MMD2: variants seen among roughly 807,000 people sequenced by gnomAD.
MMD2 encodes the protein monocyte to macrophage differentiation factor 2.
In MMD2, 30 loss-of-function variants were observed where a neutral mutation model predicts 33.5. That is an observed-to-expected ratio of 0.90 (90% CI 0.67 to 1.22). The LOEUF (loss-of-function observed/expected upper bound fraction) is 1.22. Ranked by LOEUF, MMD2 falls within the 50% of genes most tolerant of loss-of-function variation. The pLI is 0.00. For missense variants in MMD2, 364 were observed against 325.4 expected (o/e 1.12, Z -0.91); for synonymous variants, 129 against 123.0 (o/e 1.05, Z -0.32).
At chr7:4,893,199 T>C in the MMD2 span, among the ~76,000 whole-genome samples, 2 of 151,720 alleles carry the variant, frequency 1.3e-5, no homozygotes, top group Non-Finnish European at 2.9e-5. Flanking sequence ...AAAGGTCCGA[T>C]CCAGACCCCA....
chr7:4,921,676 T>A (rs1409982334), intron 2 of MMD2, among the ~76,000 whole-genome samples: 1 of 148,010 alleles, frequency 6.8e-6, no homozygotes, highest in Admixed American at 6.7e-5. Flanking sequence ...ACCGTGTGCA[T>A]CCTCCAGGAC....
At chr7:4,905,433 G>A (rs987425482), downstream of MMD2, among the ~76,000 whole-genome samples, 1 of 150,096 alleles carries the variant, frequency 6.7e-6, no homozygotes, top group African/African-American at 2.5e-5. This position sits in a 1 kb window ranked among gnomAD's most constrained non-coding sequence, Gnocchi z 5.0. Context: ...GGAAGGGGAA[G>A]AAAGGGAAGA....
At position 4,951,494 on chromosome 7, in the gene MMD2, A is replaced by G. The variant is rs116705061; in HGVS notation, c.47+7477T>C. Among the ~76,000 whole-genome samples, 1,335 of 151,966 alleles carry G rather than the reference A, an allele frequency of 8.8e-3. 22 individuals are homozygous for G. The highest frequency in any genetic ancestry group is 0.03 in the African/African-American group (1,263 of 41,440). On this transcript the variant is annotated intron_variant, in intron 1 of 6. Coordinates refer to ENST00000401401, the MANE Select transcript of MMD2 (RefSeq NM_198403.4). ...CCTTCCCTCACCCTGGAAAACTCCT[A>G]TTCATCCTGAAGAGCCCACTTACAT...
In MMD2 at chr7:4,920,685, C is replaced by T. The variant is rs574843102; in HGVS notation, c.130-354G>A. On this transcript the variant is annotated intron_variant, in intron 2 of 6. Transcript: ENST00000401401. ...TCTTTCTTCCCCTTCCCTCCTCCCTCTCTCCTCCCTCCCTCCCTCCCTCCC... is the reference window on the plus strand; with the variant it reads ...TCTTTCTTCCCCTTCCCTCCTCCCTTTCTCCTCCCTCCCTCCCTCCCTCCC... Among the ~76,000 whole-genome samples the T allele has an allele frequency of 1.3e-4, 14 of 105,812 alleles. 1 individual carries two copies. The highest frequency in any genetic ancestry group is 9.2e-4 in the Admixed American group (8 of 8,654). The allele number at this position is 105,812 out of a possible 152,430, so 69.4% of individuals were successfully genotyped here.
intron 1 of MMD2, among the ~76,000 whole-genome samples, chr7:4,943,937 G>A (rs903439521): frequency 1.3e-5 from 2 of 151,582 alleles, no homozygotes; most frequent in Non-Finnish European, 2.9e-5. Context: ...GAGTAGCTGG[G>A]ACTATAGGTG....
intron 1 of MMD2, among the ~76,000 whole-genome samples, chr7:4,955,297 C>T (rs956089055): frequency 6.6e-6 from 1 of 152,196 alleles, no homozygotes; most frequent in African/African-American, 2.4e-5. Context: ...GTAGAAAAGC[C>T]ATTCCAGGTG....
intron 1 of MMD2, among the ~76,000 whole-genome samples, chr7:4,931,186 A>T (rs892051635): frequency 6.6e-6 from 1 of 151,716 alleles, no homozygotes; most frequent in African/African-American, 2.4e-5. Flanking sequence ...TTTTTGAGAA[A>T]GGGTCTTGCT....
rs1785246480 is a variant in MMD2 at position 4,920,314 on chromosome 7, G to A, written c.147C>T (p.Ser49=). 6.2e-7 allele frequency: 1 copy of A among 1,608,612 alleles called. No individual in the cohort carries two copies. Among genetic ancestry groups the A allele is most frequent in the African/African-American group, 1.3e-5 (1 of 74,898 alleles). ...AGTAGAGGTTGGAGCTGCCCAGGATGCTGGGGATGATCCAGAACTGGAGGG... is the reference window on the plus strand; with the variant it reads ...AGTAGAGGTTGGAGCTGCCCAGGATACTGGGGATGATCCAGAACTGGAGGG... ...CATHAFWIIP[S]ILGSSNLYFL... is the part of the protein sequence containing the mutation. The change falls in exon 3 of 7, where the codon AGC becomes AGT. Residue 49 remains serine (S), a synonymous_variant. Transcript: ENST00000401401.
chr7:4,896,810 T>C, the MMD2 span, among the ~76,000 whole-genome samples: 1 of 152,198 alleles, frequency 6.6e-6, no homozygotes, highest in African/African-American at 2.4e-5. Flanking sequence ...CCCCCATTTA[T>C]ATCAGCAATA....
intron 2 of MMD2, among the ~76,000 whole-genome samples, chr7:4,921,483 T>C (rs187690358): frequency 3.3e-3 from 506 of 151,808 alleles, no homozygotes; most frequent in Non-Finnish European, 6.0e-3. Flanking sequence ...TAGTCAGGCA[T>C]GGTGGTGCGC....
At chr7:4,910,157 C>A in intron 5 of MMD2, 1 of 1,059,734 alleles carries the variant, frequency 9.4e-7, no homozygotes, top group South Asian at 1.6e-5. Context: ...GGCACTTTCC[C>A]TCCCTGAGAC....
chr7:4,916,533 C>A (rs1278866583), intron 3 of MMD2, among the ~76,000 whole-genome samples: 1 of 152,048 alleles, frequency 6.6e-6, no homozygotes, highest in African/African-American at 2.4e-5. Flanking sequence ...CAGGCACCTG[C>A]CACCATGCCC....
chr7:4,895,735 C>G, the MMD2 span, among the ~76,000 whole-genome samples: 3 of 151,914 alleles, frequency 2.0e-5, no homozygotes, highest in African/African-American at 7.3e-5. Flanking sequence ...CGTGTTTCAT[C>G]ATGTTGGTCA....
In MMD2 at chr7:4,943,515, G is replaced by A. The variant is rs139245160; in HGVS notation, c.47+15456C>T. 4.6e-3 allele frequency among the ~76,000 whole-genome samples: 704 copies of A among 152,202 alleles called. 5 individuals carry two copies. Among genetic ancestry groups the A allele is most frequent in the African/African-American group, 0.016 (684 of 41,572 alleles). ...GACTGAGACCCAACTGCTCTACCCT[G>A]ATGTCCCCTAGCAGTGCCCATTACC... On this transcript the variant is annotated intron_variant, in intron 1 of 6. Coordinates refer to ENST00000401401, the MANE Select transcript of MMD2 (RefSeq NM_198403.4).
intron 4 of MMD2, among the ~76,000 whole-genome samples, chr7:4,915,374 T>C (rs1488791352): frequency 6.6e-6 from 1 of 152,046 alleles, no homozygotes; most frequent in Non-Finnish European, 1.5e-5. Flanking sequence ...TATGCATACG[T>C]CTATGTCTAT....
At chr7:4,914,268 A>C (rs1294120019) in intron 4 of MMD2, among the ~76,000 whole-genome samples, 1 of 152,180 alleles carries the variant, frequency 6.6e-6, no homozygotes, top group Non-Finnish European at 1.5e-5. Flanking sequence ...TCTGAAGTTT[A>C]TCTCTGGGAA....
At chr7:4,911,630 T>C (rs1037230151) in intron 4 of MMD2, among the ~76,000 whole-genome samples, 16 of 151,582 alleles carry the variant, frequency 1.1e-4, no homozygotes, top group Non-Finnish European at 1.8e-4. Flanking sequence ...TCATTTATTT[T>C]ATTTATTTTA....
intron 5 of MMD2, 64 bp downstream of exon 5, chr7:4,911,081 G>C (rs1784994034): frequency 7.4e-7 from 1 of 1,348,774 alleles, no homozygotes; most frequent in Non-Finnish European, 1.0e-6. Flanking sequence ...CAGCCCAGGA[G>C]TGCTGGGGAG....
chr7:4,907,847 C>T (rs1784903249), intron 6 of MMD2, among the ~76,000 whole-genome samples: 1 of 152,152 alleles, frequency 6.6e-6, no homozygotes. Context: ...CGGTCTGTTG[C>T]CCCAGCGGGA....
Sources: allele counts gnomAD v4.1 joint callset (sites outside exome capture counted in the v4.1 genomes callset), GRCh38; gene constraint gnomAD v4.1.1; non-coding constraint Gnocchi (gnomAD v3.1); transcripts MANE v1.5; gene names NCBI Gene and HGNC (gene_info 2026-07-23, HGNC 2026-07-21).